The following DGKB variants were observed in gnomAD, a reference collection of about 807,000 sequenced individuals.
DGKB encodes the protein diacylglycerol kinase beta, also known as 90 kDa diacylglycerol kinase.
In DGKB, 67 loss-of-function variants were observed where a neutral mutation model predicts 114.3. That is an observed-to-expected ratio of 0.59 (90% CI 0.48 to 0.72). The LOEUF is 0.72. Among genes scored for constraint, DGKB ranks in the 30% least tolerant of loss-of-function variants. The probability of loss-of-function intolerance (pLI) is 0.00; values close to 1 mark genes in which losing one functional copy is unlikely to be tolerated. For synonymous variants in DGKB, 398 were observed against 323.1 expected (o/e 1.23, Z -2.49); for missense variants, 907 against 975.2 (o/e 0.93, Z 0.93).
At chr7:14,275,761 T>C (rs145869148) in intron 23 of DGKB, among the ~76,000 whole-genome samples, 1 of 152,282 alleles carries the variant, frequency 6.6e-6, no homozygotes, top group African/African-American at 2.4e-5. Context: ...AGTAACAGAT[T>C]AGAAGAATTC....
chr7:14,310,121 C>G (rs926427303), intron 23 of DGKB, among the ~76,000 whole-genome samples: 5 of 152,022 alleles, frequency 3.3e-5, no homozygotes, highest in African/African-American at 4.8e-5. Flanking sequence ...ATTGAGCATG[C>G]CTGAGAAAAT....
At chr7:14,872,791 T>C (rs1305577099) in intron 1 of DGKB, among the ~76,000 whole-genome samples, 1 of 150,224 alleles carries the variant, frequency 6.7e-6, no homozygotes, top group African/African-American at 2.4e-5. Context: ...ATTGTTTATG[T>C]AACATATATG....
chr7:14,375,058 C>A (rs567747586), intron 21 of DGKB, among the ~76,000 whole-genome samples: 2 of 152,278 alleles, frequency 1.3e-5, no homozygotes, highest in East Asian at 3.9e-4. Context: ...GATAAAGCAT[C>A]TCAACATTAC....
At chr7:14,702,095 A>C (rs949130426) in intron 6 of DGKB, among the ~76,000 whole-genome samples, 44 of 152,188 alleles carry the variant, frequency 2.9e-4, no homozygotes, top group African/African-American at 1.0e-3. Context: ...GAAAAACAAC[A>C]AATGTGAAAT....
chr7:14,162,377 C>T (rs1409045296), intron 25 of DGKB, among the ~76,000 whole-genome samples: 1 of 152,180 alleles, frequency 6.6e-6, no homozygotes, highest in African/African-American at 2.4e-5. Flanking sequence ...TATTGGTCCT[C>T]TTGCAAACTA....
intron 1 of DGKB, among the ~76,000 whole-genome samples, chr7:14,861,330 A>G (rs939148609): frequency 1.3e-4 from 19 of 149,020 alleles, no homozygotes; most frequent in Non-Finnish European, 2.2e-4. Flanking sequence ...TTAAAATATG[A>G]CTTTCAATAT....
At chr7:14,709,196 C>G (rs548628318) in intron 6 of DGKB, among the ~76,000 whole-genome samples, 1 of 152,144 alleles carries the variant, frequency 6.6e-6, no homozygotes, top group Non-Finnish European at 1.5e-5. Context: ...ATTTATGCAG[C>G]CAACAGGCAC....
intron 20 of DGKB, among the ~76,000 whole-genome samples, chr7:14,515,284 G>C (rs891537146): frequency 6.6e-6 from 1 of 152,074 alleles, no homozygotes; most frequent in Non-Finnish European, 1.5e-5. Flanking sequence ...CAATATCTCT[G>C]AGGAAATGGA....
intron 15 of DGKB, among the ~76,000 whole-genome samples, chr7:14,616,091 T>A (rs958037413): frequency 1.3e-5 from 2 of 150,710 alleles, no homozygotes; most frequent in Non-Finnish European, 3.0e-5. Flanking sequence ...AATTAACTTT[T>A]TCCCTCAACC....
chr7:14,521,455 G>A (rs1407248036), intron 20 of DGKB, among the ~76,000 whole-genome samples: 2 of 152,074 alleles, frequency 1.3e-5, no homozygotes, highest in Non-Finnish European at 2.9e-5. Context: ...TTAGAGTGCT[G>A]TAGATTAATG....
intron 23 of DGKB, among the ~76,000 whole-genome samples, chr7:14,193,626 G>A (rs935037220): frequency 3.3e-5 from 5 of 152,120 alleles, no homozygotes; most frequent in Admixed American, 3.3e-4. Context: ...GCTTTATGAC[G>A]TTAGGGTGGG....
chr7:14,209,776 T>C (rs1374057907), intron 23 of DGKB, among the ~76,000 whole-genome samples: 1 of 152,146 alleles, frequency 6.6e-6, no homozygotes, highest in East Asian at 1.9e-4. Flanking sequence ...ATTTTCATGT[T>C]TTGGCAACAC....
chr7:14,294,597 G>A (rs969859091), intron 23 of DGKB, among the ~76,000 whole-genome samples: 1 of 152,004 alleles, frequency 6.6e-6, no homozygotes, highest in Non-Finnish European at 1.5e-5. Flanking sequence ...AAGTTTATAG[G>A]GCTAATAAAA....
intron 6 of DGKB, among the ~76,000 whole-genome samples, chr7:14,712,509 TA>T (rs1827532985): frequency 6.6e-6 from 1 of 151,728 alleles, no homozygotes; most frequent in Non-Finnish European, 1.5e-5. Context: ...CCATCTCTAC[TA>T]AAATACAAAA....
intron 22 of DGKB, among the ~76,000 whole-genome samples, chr7:14,344,070 A>G (rs556792634): frequency 6.7e-6 from 1 of 149,608 alleles, no homozygotes; most frequent in South Asian, 2.1e-4. Flanking sequence ...ATATAGTTAT[A>G]TATGTGTTAT....
chr7:14,532,082 A>G (rs992902776), intron 20 of DGKB, among the ~76,000 whole-genome samples: 7 of 151,394 alleles, frequency 4.6e-5, no homozygotes, highest in Admixed American at 4.0e-4. Flanking sequence ...TATCGTTCTC[A>G]TAACTCAGAA....
intron 22 of DGKB, among the ~76,000 whole-genome samples, chr7:14,340,941 T>C (rs1811505783): frequency 6.6e-6 from 1 of 151,680 alleles, no homozygotes; most frequent in Admixed American, 6.6e-5. Flanking sequence ...GAAGGAGGAT[T>C]CCTTTGTTCA....
At chr7:14,489,197 A>G (rs1396069394) in intron 20 of DGKB, among the ~76,000 whole-genome samples, 2 of 152,184 alleles carry the variant, frequency 1.3e-5, no homozygotes, top group Non-Finnish European at 2.9e-5. Context: ...TCCTTATTTC[A>G]TAGTTTCCAT....
chr7:14,867,681 CT>C (rs1851883506), intron 1 of DGKB, among the ~76,000 whole-genome samples: 1 of 151,938 alleles, frequency 6.6e-6, no homozygotes, highest in Admixed American at 6.6e-5. Context: ...ATAAATATCC[CT>C]AATCATATTT....
Sources: allele counts gnomAD v4.1 joint callset (sites outside exome capture counted in the v4.1 genomes callset), GRCh38; gene constraint gnomAD v4.1.1; transcripts MANE v1.5; gene names NCBI Gene and HGNC (gene_info 2026-07-23, HGNC 2026-07-21).